The following SYNPO2 variants were observed in gnomAD, a reference collection of about 807,000 sequenced individuals.
SYNPO2 encodes synaptopodin 2.
In SYNPO2, 56 loss-of-function variants were observed where a neutral mutation model predicts 85.0. That is an observed-to-expected ratio of 0.66 (90% CI 0.53 to 0.82). The LOEUF (loss-of-function observed/expected upper bound fraction) is 0.82. SYNPO2 is among the 40% of genes least tolerant of loss of function. The pLI, the probability that SYNPO2 is intolerant of heterozygous loss-of-function variation, is 0.00. For synonymous variants in SYNPO2, 602 were observed against 591.1 expected (o/e 1.02, Z -0.27); for missense variants, 1,575 against 1,534.2 (o/e 1.03, Z -0.44).
chr4:118,933,681 T>C (rs1734002076), intron 1 of SYNPO2, among the ~76,000 whole-genome samples: 1 of 152,156 alleles, frequency 6.6e-6, no homozygotes, highest in Non-Finnish European at 1.5e-5. Context: ...CAGAATAGTT[T>C]ATGGGTCTTA....
intron 4 of SYNPO2, chr4:119,043,695 T>C (rs192440502): frequency 6.6e-6 from 1 of 152,282 alleles, no homozygotes; most frequent in Admixed American, 6.5e-5. Flanking sequence ...CCCAGCACTT[T>C]GGGAAGCTGA....
intron 3 of SYNPO2, among the ~76,000 whole-genome samples, chr4:119,029,165 T>C (rs1039964893): frequency 1.3e-5 from 2 of 152,234 alleles, no homozygotes. Flanking sequence ...GAGTTTCTTA[T>C]ATGTATTTAC....
At chr4:118,946,125 A>G (rs189530567) in intron 1 of SYNPO2, among the ~76,000 whole-genome samples, 2 of 152,274 alleles carry the variant, frequency 1.3e-5, no homozygotes, top group Admixed American at 1.3e-4. Context: ...GGATCAAGGA[A>G]TGTCAGCATC....
intron 1 of SYNPO2, among the ~76,000 whole-genome samples, chr4:118,951,697 G>C (rs1271810599): frequency 6.6e-6 from 1 of 151,932 alleles, no homozygotes; most frequent in Non-Finnish European, 1.5e-5. Context: ...ATCTAACCCA[G>C]GTATTTAGTA....
intron 1 of SYNPO2, among the ~76,000 whole-genome samples, chr4:118,981,925 G>A (rs1846): frequency 0.41 from 62,568 of 151,976 alleles, 13,050 homozygotes; most frequent in South Asian, 0.59. Context: ...CCCAGTTTGC[G>A]TTCAGAGGAA....
intron 1 of SYNPO2, among the ~76,000 whole-genome samples, chr4:118,876,710 TTTCTTTCTTTC>T (rs1731929984): frequency 6.8e-6 from 1 of 146,294 alleles, no homozygotes; most frequent in Admixed American, 6.9e-5. Flanking sequence ...TCTTTCTTTC[TTTCTTTCTTTC>T]TTTCTTTCTT....
chr4:118,922,698 A>C (rs781528715), intron 1 of SYNPO2, among the ~76,000 whole-genome samples: 1 of 151,054 alleles, frequency 6.6e-6, no homozygotes, highest in Non-Finnish European at 1.5e-5. Flanking sequence ...TTTTTTTAGA[A>C]GATCAACTGG....
intron 1 of SYNPO2, among the ~76,000 whole-genome samples, chr4:118,916,592 TTTAAAATGTTTTC>T (rs1261498868): frequency 6.6e-6 from 1 of 152,020 alleles, no homozygotes; most frequent in African/African-American, 2.4e-5. Context: ...AAATTATTAT[TTTAAAATGTTTTC>T]TTAAAATGTT....
Position 118,894,120 on chromosome 4 carries a change from C to T in SYNPO2, c.105+4979C>T, listed in dbSNP as rs367828907. Among the ~76,000 whole-genome samples, 154 of 151,506 alleles carry T rather than the reference C, an allele frequency of 1.0e-3. 1 individual carries two copies. Among genetic ancestry groups the T allele is most frequent in the African/African-American group, 3.4e-3 (139 of 41,326 alleles). On this transcript the variant is annotated intron_variant, in intron 1 of 4. Coordinates refer to ENST00000307142, the MANE Select transcript of SYNPO2 (RefSeq NM_133477.3). ...TAAGATTCTTTACTGCTCTGATGTT[C>T]TATAATTGTCATGAAAATTCAAGAA... is the stretch of plus-strand genomic sequence containing the variant.
At chr4:118,988,671 G>T (rs1736306001) in intron 1 of SYNPO2, among the ~76,000 whole-genome samples, 1 of 152,144 alleles carries the variant, frequency 6.6e-6, no homozygotes, top group Non-Finnish European at 1.5e-5. Context: ...ATTTTGGGAG[G>T]AATTCAATTG....
intron 1 of SYNPO2, among the ~76,000 whole-genome samples, chr4:118,906,947 A>G (rs1362032884): frequency 6.6e-6 from 1 of 151,176 alleles, no homozygotes; most frequent in Admixed American, 6.6e-5. Context: ...AGCTAGGACC[A>G]CAGGTGTGTG....
At chr4:118,984,734 G>A (rs141100564) in intron 1 of SYNPO2, among the ~76,000 whole-genome samples, 438 of 152,270 alleles carry the variant, frequency 2.9e-3, no homozygotes, top group Non-Finnish European at 4.1e-3. Context: ...CCTGGCCTAA[G>A]CACTTGATGA....
At position 119,042,310 on chromosome 4, in the gene SYNPO2, G is replaced by A. The variant is rs1738742151; in HGVS notation, c.3252+10283G>A. Reference sequence around the variant, plus strand: ...ACCCCCTGCTTCTAATCAAGAATGAGTATAAATATTTCTAGGGATAGAATA... The same window carrying A: ...ACCCCCTGCTTCTAATCAAGAATGAATATAAATATTTCTAGGGATAGAATA... On this transcript the variant is annotated intron_variant, in intron 4 of 4. Coordinates refer to ENST00000307142, the MANE Select transcript of SYNPO2 (RefSeq NM_133477.3). The A allele has an allele frequency of 2.0e-5, 3 of 152,166 alleles. No homozygotes were observed. The South Asian group carries it at 6.2e-4, about 32-fold the overall frequency. The allele number at this position is 152,166 out of a possible 1,614,324, so 9.4% of individuals were successfully genotyped here. A position where few individuals can be genotyped will look rare whatever the true frequency, so the allele number is the denominator to read the frequency against.
intron 1 of SYNPO2, among the ~76,000 whole-genome samples, chr4:118,911,655 C>T (rs1359719582): frequency 1.3e-5 from 2 of 152,126 alleles, no homozygotes; most frequent in Non-Finnish European, 2.9e-5. Flanking sequence ...CAAAGGAAAA[C>T]TATGCATGAA....
intron 1 of SYNPO2, among the ~76,000 whole-genome samples, chr4:119,021,393 T>C (rs1737714716): frequency 6.6e-6 from 1 of 152,206 alleles, no homozygotes; most frequent in South Asian, 2.1e-4. Context: ...AGCCTAGCCA[T>C]GAAAACATTG....
chr4:119,055,157 A>G (rs183928741), intron 4 of SYNPO2, among the ~76,000 whole-genome samples: 3 of 129,490 alleles, frequency 2.3e-5, no homozygotes, highest in Admixed American at 2.2e-4. Flanking sequence ...TTATTTATTT[A>G]TTTTTTTTTT....
At chr4:118,863,889 G>A (rs1312878117) in intron 1 of SYNPO2, among the ~76,000 whole-genome samples, 1 of 152,236 alleles carries the variant, frequency 6.6e-6, no homozygotes, top group African/African-American at 2.4e-5. Context: ...TTACAGGCAT[G>A]AGCCACTGTG....
At chr4:119,040,745 A>G (rs1738683612) in intron 4 of SYNPO2, among the ~76,000 whole-genome samples, 2 of 152,172 alleles carry the variant, frequency 1.3e-5, no homozygotes, top group Admixed American at 6.5e-5. Flanking sequence ...AAATAGGCCT[A>G]TTACACTGAA....
chr4:118,953,303 GT>G (rs896214557), intron 1 of SYNPO2, among the ~76,000 whole-genome samples: 1 of 152,086 alleles, frequency 6.6e-6, no homozygotes, highest in African/African-American at 2.4e-5. Context: ...TGTTTTCATG[GT>G]TTTTTTATAC....
Sources: allele counts gnomAD v4.1 joint callset (sites outside exome capture counted in the v4.1 genomes callset), GRCh38; gene constraint gnomAD v4.1.1; transcripts MANE v1.5; gene names NCBI Gene and HGNC (gene_info 2026-07-23, HGNC 2026-07-21).